DMD: variants seen among roughly 807,000 people sequenced by gnomAD.
The protein encoded by DMD is mutant dystrophin.
A neutral mutation model predicts 330.1 loss-of-function variants in DMD; 63 were observed. The observed-to-expected ratio is 0.19, with a 90% confidence interval of 0.16 to 0.24. The LOEUF (loss-of-function observed/expected upper bound fraction) is 0.24, where lower values mean the gene tolerates loss of function less well. Among genes scored for constraint, DMD ranks in the 10% least tolerant of loss-of-function variants. The pLI, the probability that DMD is intolerant of heterozygous loss-of-function variation, is 1.00. For missense variants in DMD, 3,344 were observed against 2,684.1 expected (o/e 1.25, Z -5.43); for synonymous variants, 1,223 against 959.8 (o/e 1.27, Z -5.07).
chrX:31,914,514 A>C (rs2094584652), intron 47 of DMD, among the ~76,000 whole-genome samples: 1 of 112,460 alleles, frequency 8.9e-6, no homozygotes, highest in Non-Finnish European at 1.9e-5. Flanking sequence ...GATAAAGAAA[A>C]CGTGGTACAT....
At chrX:31,986,773 C>T (rs778945653) in intron 44 of DMD, among the ~76,000 whole-genome samples, 34 of 111,687 alleles carry the variant, frequency 3.0e-4, no homozygotes, top group Non-Finnish European at 1.7e-4. Context: ...AAAGTATAAG[C>T]AAAAATGAAA....
At chrX:33,293,902 A>T (rs193199417) in intron 1 of DMD, among the ~76,000 whole-genome samples, 1 of 111,560 alleles carries the variant, frequency 9.0e-6, no homozygotes, top group Admixed American at 9.6e-5. Flanking sequence ...TCATGGTCTT[A>T]GCCTCTCCCT....
intron 51 of DMD, among the ~76,000 whole-genome samples, chrX:31,752,899 GCAA>G (rs1471368502): frequency 9.0e-6 from 1 of 111,370 alleles, no homozygotes; most frequent in African/African-American, 3.3e-5. Context: ...TCTTTTCTCT[GCAA>G]CAACTACTAC....
chrX:33,042,676 A>G (rs1294242076), intron 1 of DMD, among the ~76,000 whole-genome samples: 1 of 112,465 alleles, frequency 8.9e-6, no homozygotes, highest in African/African-American at 3.2e-5. Context: ...AGTGAAGGGT[A>G]TATGTTTGCT....
At chrX:31,677,572 A>G (rs2082149119) in intron 53 of DMD, among the ~76,000 whole-genome samples, 1 of 112,444 alleles carries the variant, frequency 8.9e-6, no homozygotes, top group South Asian at 3.7e-4. Flanking sequence ...ACATGATTCT[A>G]TATATTACAT....
intron 30 of DMD, among the ~76,000 whole-genome samples, chrX:32,398,856 A>G (rs2098065464): frequency 8.9e-6 from 1 of 111,889 alleles, no homozygotes; most frequent in African/African-American, 3.2e-5. Flanking sequence ...ACACAGCTAT[A>G]GTAACCGAAA....
At chrX:32,027,191 G>C (rs866710571) in intron 44 of DMD, among the ~76,000 whole-genome samples, 1,999 of 85,327 alleles carry the variant, frequency 0.023, 74 homozygotes, top group African/African-American at 0.091. Flanking sequence ...CACAGAGAGA[G>C]AGAGAGAGAG....
intron 13 of DMD, among the ~76,000 whole-genome samples, chrX:32,578,116 T>C (rs2053263392): frequency 1.8e-5 from 2 of 111,599 alleles, no homozygotes; most frequent in South Asian, 7.5e-4. Context: ...GTTAGACAAG[T>C]GTAAGAAATT....
chrX:32,622,701 C>T (rs1455215362), intron 11 of DMD, among the ~76,000 whole-genome samples: 3 of 111,704 alleles, frequency 2.7e-5, no homozygotes, highest in Non-Finnish European at 3.8e-5. Context: ...CTTTTTTATA[C>T]GCAACTCATC....
intron 1 of DMD, among the ~76,000 whole-genome samples, chrX:33,191,412 T>C (rs1354528330): frequency 3.2e-5 from 2 of 61,848 alleles, no homozygotes; most frequent in Non-Finnish European, 7.4e-5. Flanking sequence ...TTCTTAGCTT[T>C]TTTACTTTTA....
intron 64 of DMD, among the ~76,000 whole-genome samples, chrX:31,222,498 A>G (rs777841804): frequency 3.6e-5 from 4 of 110,358 alleles, no homozygotes; most frequent in Non-Finnish European, 7.6e-5. Flanking sequence ...TAGTAGAGTT[A>G]TACATAAACT....
At chrX:31,420,871 T>C (rs769269852) in intron 60 of DMD, among the ~76,000 whole-genome samples, 1 of 112,394 alleles carries the variant, frequency 8.9e-6, no homozygotes, top group Non-Finnish European at 1.9e-5. Flanking sequence ...TGAGGCATAC[T>C]CCCTAGCTAT....
At chrX:32,655,855 A>C (rs150155756) in intron 9 of DMD, among the ~76,000 whole-genome samples, 1,768 of 111,538 alleles carry the variant, frequency 0.016, 41 homozygotes, top group African/African-American at 0.054. Flanking sequence ...TAGGATAGTT[A>C]GCTCTTCTTG....
intron 60 of DMD, among the ~76,000 whole-genome samples, chrX:31,408,045 G>T (rs773372631): frequency 8.9e-6 from 1 of 112,289 alleles, no homozygotes; most frequent in Admixed American, 9.4e-5. Context: ...TGATGATAGC[G>T]TAACCTGCAA....
chrX:32,086,547 G>T (rs557705393), intron 44 of DMD, among the ~76,000 whole-genome samples: 2 of 111,133 alleles, frequency 1.8e-5, no homozygotes, highest in South Asian at 3.8e-4. Flanking sequence ...TTGTTGGGTG[G>T]GGGGGAAGAA....
In DMD at chrX:33,120,745, G is replaced by A. The variant is rs181998955; in HGVS notation, c.31+90537C>T. Among the ~76,000 whole-genome samples, 33 of 109,073 alleles carry A rather than the reference G, an allele frequency of 3.0e-4. 1 individual carries two copies. The East Asian group carries it at 7.9e-3, about 26-fold the overall frequency. 94.7% of individuals were successfully genotyped at this position (109,073 alleles called of 115,157 possible). On this transcript the variant is annotated intron_variant, in intron 1 of 78. Transcript: ENST00000357033. Reference sequence around the variant, plus strand: ...AAAATACAAAAATTAGCCAGGTGTGGTGGCGTGTGCCTATAATCCCAGCTA... The same window carrying A: ...AAAATACAAAAATTAGCCAGGTGTGATGGCGTGTGCCTATAATCCCAGCTA...
At chrX:32,952,318 C>G (rs1375775985) in intron 2 of DMD, among the ~76,000 whole-genome samples, 2 of 110,036 alleles carry the variant, frequency 1.8e-5, no homozygotes, top group Non-Finnish European at 3.8e-5. Flanking sequence ...ATTTTTAGTA[C>G]AGATGGGATT....
chrX:31,647,655 G>T (rs1465927368), intron 54 of DMD, among the ~76,000 whole-genome samples: 1 of 111,905 alleles, frequency 8.9e-6, no homozygotes, highest in African/African-American at 3.2e-5. Context: ...CAATATAAAA[G>T]AAAAAGGCAA....
intron 60 of DMD, among the ~76,000 whole-genome samples, chrX:31,409,320 CAT>C (rs951801766): frequency 1.2e-4 from 13 of 112,225 alleles, no homozygotes; most frequent in African/African-American, 3.9e-4. Context: ...TATACAGGAT[CAT>C]AGCACTTTTG....
Sources: allele counts gnomAD v4.1 joint callset (sites outside exome capture counted in the v4.1 genomes callset), GRCh38; gene constraint gnomAD v4.1.1; transcripts MANE v1.5; gene names NCBI Gene and HGNC (gene_info 2026-07-23, HGNC 2026-07-21).